The following KIRREL3 variants were observed in gnomAD, a reference collection of about 807,000 sequenced individuals.
The protein encoded by KIRREL3 is kirre like nephrin family adhesion molecule 3, also known as kin of IRRE-like protein 3.
In KIRREL3, 36 loss-of-function variants were observed where a neutral mutation model predicts 89.7. That is an observed-to-expected ratio of 0.40 (90% CI 0.31 to 0.53). The LOEUF (loss-of-function observed/expected upper bound fraction) is 0.53, where lower values mean the gene tolerates loss of function less well. Among genes scored for constraint, KIRREL3 ranks in the 20% least tolerant of loss-of-function variants. The probability of loss-of-function intolerance (pLI) is 0.49; values close to 1 mark genes in which losing one functional copy is unlikely to be tolerated. For synonymous variants in KIRREL3, 445 were observed against 441.4 expected, an observed-to-expected ratio of 1.01 and a Z score of -0.10; for missense variants, 864 against 1,056.6, an observed-to-expected ratio of 0.82 and a Z score of 2.53.
In KIRREL3 at chr11:126,811,760, T is replaced by C. The variant is rs1394536788; in HGVS notation, c.55+188695A>G. Among the ~76,000 whole-genome samples the C allele has an allele frequency of 6.6e-6, 1 of 152,102 alleles. No individual in the cohort carries two copies. Among genetic ancestry groups the C allele is most frequent in the Non-Finnish European group, 1.5e-5 (1 of 68,002 alleles). ...TGCTACCATGCCCAGCTAATTTTTG[T>C]ACCTTTAGTAGAGATGGGGTTGCAC... On this transcript the variant is annotated intron_variant, in intron 1 of 16. Transcript: ENST00000525144. The surrounding 1 kb of genome is among the most constrained non-coding windows in gnomAD (Gnocchi z 4.3).
intron 1 of KIRREL3, among the ~76,000 whole-genome samples, chr11:126,762,300 A>G (rs10082694): frequency 0.62 from 94,391 of 152,070 alleles, 30,598 homozygotes; most frequent in African/African-American, 0.77. Flanking sequence ...GGCAAGACCA[A>G]TTGACTACAA....
rs1950185657 is a variant in KIRREL3, at chr11:126,996,684, G to A, written c.55+3771C>T. Among the ~76,000 whole-genome samples, 3 of 152,144 alleles carry A rather than the reference G, an allele frequency of 2.0e-5. No individual in the cohort carries two copies. Among genetic ancestry groups the A allele is most frequent in the African/African-American group, 4.8e-5 (2 of 41,428 alleles). On this transcript the variant is annotated intron_variant, in intron 1 of 16. Transcript: ENST00000525144. This position sits in a 1 kb window ranked among gnomAD's most constrained non-coding sequence, Gnocchi z 4.7. Reference sequence around the variant, plus strand: ...CTGACAGCTGCTGACAGCCCCTTTTGGTGTTTCCAGCCAGGCAGGAGAGCA... The same window carrying A: ...CTGACAGCTGCTGACAGCCCCTTTTAGTGTTTCCAGCCAGGCAGGAGAGCA...
chr11:126,706,167 T>C (rs1947522956), intron 1 of KIRREL3, among the ~76,000 whole-genome samples: 1 of 152,174 alleles, frequency 6.6e-6, no homozygotes, highest in South Asian at 2.1e-4. Context: ...CACAGAACCA[T>C]GAAAGTTAGT....
intron 2 of KIRREL3, chr11:126,549,682 AG>A (rs1939103580): frequency 6.6e-6 from 1 of 152,282 alleles, no homozygotes; most frequent in Non-Finnish European, 1.5e-5. Flanking sequence ...AGCAGAGAGA[AG>A]AAAGGAGGCC....
chr11:126,483,666 C>T (rs12800064), intron 4 of KIRREL3, among the ~76,000 whole-genome samples: 22,297 of 152,252 alleles, frequency 0.15, 1,866 homozygotes, highest in Non-Finnish European at 0.19. Flanking sequence ...GGGCCTTCCC[C>T]GGTTCTCTCC....
chr11:126,984,683 C>A (rs1290949258), intron 1 of KIRREL3, among the ~76,000 whole-genome samples: 1 of 152,224 alleles, frequency 6.6e-6, no homozygotes, highest in Non-Finnish European at 1.5e-5. Flanking sequence ...GAATCAACCA[C>A]CACTTTTTAC....
chr11:126,595,822 G>A (rs1039331920), intron 1 of KIRREL3, among the ~76,000 whole-genome samples: 5 of 152,206 alleles, frequency 3.3e-5, no homozygotes, highest in African/African-American at 9.6e-5. Flanking sequence ...AGTGACAGAC[G>A]CCAGCCAGGA....
At position 126,423,669 on chromosome 11, in the gene KIRREL3, G is replaced by A. The variant is rs1244116963; in HGVS notation, c.*911C>T. 1 of 152,118 alleles carries A rather than the reference G, an allele frequency of 6.6e-6. No homozygotes were observed. Among genetic ancestry groups the A allele is most frequent in the Non-Finnish European group, 1.5e-5 (1 of 68,034 alleles). 9.4% of individuals were successfully genotyped at this position (152,118 alleles called of 1,614,324 possible). On this transcript the variant is annotated 3_prime_UTR_variant, in exon 17 of 17. Coordinates refer to ENST00000525144, the MANE Select transcript of KIRREL3 (RefSeq NM_032531.4). ...GACCTGCCCTCCAGCCCCTTCAAACGCCACACTTCCCAGGAAGCACTCTCT... is the reference window on the plus strand; with the variant it reads ...GACCTGCCCTCCAGCCCCTTCAAACACCACACTTCCCAGGAAGCACTCTCT...
chr11:126,469,077 C>T lies in KIRREL3; in HGVS notation c.591+4232G>A, dbSNP rs569048319. Among the ~76,000 whole-genome samples, 6 of 152,366 alleles carry T rather than the reference C, an allele frequency of 3.9e-5. No individual in the cohort carries two copies. In the South Asian group the frequency reaches 1.2e-3, roughly 32 times the overall value. On this transcript the variant is annotated intron_variant, in intron 5 of 16. Coordinates refer to ENST00000525144, the MANE Select transcript of KIRREL3 (RefSeq NM_032531.4). ...GCCAGGCGTGTTTCTCATTCAACTC[C>T]TCACAAGCACCCCTTAAAGTGGGTG...
rs1466041010 is a variant in KIRREL3 at position 126,653,566 on chromosome 11, A to C, written c.56-90654T>G. Among the ~76,000 whole-genome samples, 1 of 152,228 alleles carries C rather than the reference A, an allele frequency of 6.6e-6. No individual in the cohort carries two copies. The highest frequency in any genetic ancestry group is 1.5e-5 in the Non-Finnish European group (1 of 68,038). ...CGGAATGAGAAAAAAGCGGCACCGG[A>C]AGTGGCATTTTGCAAACTCCAATCC... is the stretch of plus-strand genomic sequence containing the variant. On this transcript the variant is annotated intron_variant, in intron 1 of 16. Coordinates refer to ENST00000525144, the MANE Select transcript of KIRREL3 (RefSeq NM_032531.4). This position sits in a 1 kb window ranked among gnomAD's most constrained non-coding sequence, Gnocchi z 5.4.
rs933420336 is a variant in KIRREL3 at position 126,653,864 on chromosome 11, A to G, written c.56-90952T>C. Among the ~76,000 whole-genome samples the G allele has an allele frequency of 2.6e-5, 4 of 152,168 alleles. No homozygotes were observed. The highest frequency in any genetic ancestry group is 2.1e-4 in the South Asian group (1 of 4,830). On this transcript the variant is annotated intron_variant, in intron 1 of 16. Coordinates refer to ENST00000525144, the MANE Select transcript of KIRREL3 (RefSeq NM_032531.4). The surrounding 1 kb of genome is among the most constrained non-coding windows in gnomAD (Gnocchi z 5.4). ...CAGAAAATGTCACCTTTGTTCCTCT[A>G]TAGCCATTTTTAGTTGCACCAAAGG...
rs1945067847 is a variant in KIRREL3 at position 126,870,360 on chromosome 11, T to A, written c.55+130095A>T. Among the ~76,000 whole-genome samples, 1 of 152,176 alleles carries A rather than the reference T, an allele frequency of 6.6e-6. No homozygotes were observed. ...GTGCAGGAGCCAGGCTGGATTCCAATGCTGTGGCTGGCTGGAGGTCCCATC... is the reference window on the plus strand; with the variant it reads ...GTGCAGGAGCCAGGCTGGATTCCAAAGCTGTGGCTGGCTGGAGGTCCCATC... On this transcript the variant is annotated intron_variant, in intron 1 of 16. Transcript: ENST00000525144. This position sits in a 1 kb window ranked among gnomAD's most constrained non-coding sequence, Gnocchi z 4.4.
intron 1 of KIRREL3, among the ~76,000 whole-genome samples, chr11:126,849,808 T>C (rs1944282023): frequency 6.6e-6 from 1 of 152,120 alleles, no homozygotes. Flanking sequence ...GATGCACCTG[T>C]TGAGGATGGA....
intron 1 of KIRREL3, among the ~76,000 whole-genome samples, chr11:126,728,419 T>C (rs1948478661): frequency 1.3e-5 from 2 of 152,096 alleles, no homozygotes; most frequent in African/African-American, 4.8e-5. Context: ...ATGTTGACCA[T>C]GGGTGTGCTT....
chr11:126,839,174 A>G (rs899644092), intron 1 of KIRREL3, among the ~76,000 whole-genome samples: 2 of 152,172 alleles, frequency 1.3e-5, no homozygotes, highest in African/African-American at 4.8e-5. Context: ...TATGCTGCTG[A>G]AAAACAATGA....
At position 126,977,598 on chromosome 11, in the gene KIRREL3, T is replaced by A. The variant is rs1207703420; in HGVS notation, c.55+22857A>T. On this transcript the variant is annotated intron_variant, in intron 1 of 16. Transcript: ENST00000525144. This position sits in a 1 kb window ranked among gnomAD's most constrained non-coding sequence, Gnocchi z 4.7. ...GAATGCCTACTATGCACCTGTCTATTTCATCAGGTTTATACCTTGTTGGCA... is the reference window on the plus strand; with the variant it reads ...GAATGCCTACTATGCACCTGTCTATATCATCAGGTTTATACCTTGTTGGCA... Among the ~76,000 whole-genome samples the A allele has an allele frequency of 6.6e-6, 1 of 152,246 alleles. No homozygotes were observed. The highest frequency in any genetic ancestry group is 1.5e-5 in the Non-Finnish European group (1 of 68,046).
chr11:126,582,528 C>T (rs1056464208), intron 1 of KIRREL3, among the ~76,000 whole-genome samples: 1 of 152,188 alleles, frequency 6.6e-6, no homozygotes, highest in Non-Finnish European at 1.5e-5. Flanking sequence ...ATGCAAAAAT[C>T]TGCCCATTTA....
At position 126,440,424 on chromosome 11, in the gene KIRREL3, C is replaced by T. The variant is rs777111647; in HGVS notation, c.1353+25G>A. 6 of 1,548,910 alleles carry T rather than the reference C, an allele frequency of 3.9e-6. No individual in the cohort carries two copies. In the East Asian group the frequency reaches 7.3e-5, roughly 19 times the overall value. On this transcript the variant is annotated intron_variant, in intron 11 of 16. Transcript: ENST00000525144. ...ACTGTTGGGCTGCTGGCCCGGCCCC[C>T]GCCCGCCGTCCCTGGAGCACTCACG...
At chr11:126,632,831 C>T (rs1185383922) in intron 1 of KIRREL3, among the ~76,000 whole-genome samples, 4 of 90,444 alleles carry the variant, frequency 4.4e-5, no homozygotes, top group Non-Finnish European at 7.3e-5. Context: ...GTAGCTCATG[C>T]CTGTAATCCC....
Sources: allele counts gnomAD v4.1 joint callset (sites outside exome capture counted in the v4.1 genomes callset), GRCh38; gene constraint gnomAD v4.1.1; non-coding constraint Gnocchi (gnomAD v3.1); transcripts MANE v1.5; gene names NCBI Gene and HGNC (gene_info 2026-07-23, HGNC 2026-07-21).